Variants in RBM47 observed in about 807,000 individuals in gnomAD.
RBM47 encodes the protein RNA-binding protein 47.
In RBM47, 21 loss-of-function variants were observed where a neutral mutation model predicts 47.1. The ratio of observed to expected loss-of-function variants is 0.45; its 90% CI spans 0.32 to 0.64. The LOEUF (loss-of-function observed/expected upper bound fraction) is 0.64, where lower values mean the gene tolerates loss of function less well. Among genes scored for constraint, RBM47 ranks in the 30% least tolerant of loss-of-function variants. RBM47 has a pLI of 0.05. For synonymous variants in RBM47, 375 were observed against 361.7 expected (o/e 1.04, Z -0.42); for missense variants, 708 against 870.9 (o/e 0.81, Z 2.35).
chr4:40,597,492 G>A (rs1299275720), intron 1 of RBM47, among the ~76,000 whole-genome samples: 1 of 151,426 alleles, frequency 6.6e-6, no homozygotes, highest in African/African-American at 2.4e-5. Flanking sequence ...TGAGGCAGGA[G>A]AATGGCTTGA....
intron 2 of RBM47, among the ~76,000 whole-genome samples, chr4:40,492,534 T>G (rs147614902): frequency 4.6e-5 from 7 of 152,320 alleles, no homozygotes; most frequent in Non-Finnish European, 5.9e-5. Flanking sequence ...AGCTCAGGCA[T>G]GCACCTGTGG....
chr4:40,456,281 CGGGCA>C (rs1370485715), intron 3 of RBM47, among the ~76,000 whole-genome samples: 1 of 151,972 alleles, frequency 6.6e-6, no homozygotes, highest in African/African-American at 2.4e-5. Flanking sequence ...GAGAGAAACC[CGGGCA>C]TAATATTCTT....
intron 2 of RBM47, among the ~76,000 whole-genome samples, chr4:40,476,158 T>G (rs557425488): frequency 6.6e-6 from 1 of 152,136 alleles, no homozygotes; most frequent in Non-Finnish European, 1.5e-5. Flanking sequence ...AAAACAATAA[T>G]GCCCACCTTG....
intron 2 of RBM47, among the ~76,000 whole-genome samples, chr4:40,488,599 G>A (rs75948036): frequency 0.014 from 2,122 of 152,214 alleles, 54 homozygotes; most frequent in African/African-American, 0.049. Context: ...CTTTGCAACC[G>A]CAAGTGAGAA....
intron 3 of RBM47, among the ~76,000 whole-genome samples, chr4:40,453,985 A>G (rs962292828): frequency 1.3e-5 from 2 of 152,190 alleles, no homozygotes; most frequent in Admixed American, 6.5e-5. Context: ...ATGAGTGGAA[A>G]TTTTAAATGT....
chr4:40,436,492 G>A lies in RBM47; in HGVS notation c.1279C>T (p.Pro427Ser). 7 of 1,614,118 alleles carry A rather than the reference G, an allele frequency of 4.3e-6. No homozygotes were observed. Among genetic ancestry groups the A allele is most frequent in the Non-Finnish European group, 5.9e-6 (7 of 1,180,030 alleles). The stretch of plus-strand genomic sequence containing the variant: ...TTGACGGTAGGGATTTCCAAATTCG[G>A]CACCAGTTCATATCCTTTTTCTTGC... ...KQQEKGYELV[P>S]NLEIPTVNPV... is the part of the protein sequence containing the mutation. Residue 427 changes from proline (P) to serine (S), a missense_variant, in exon 5 of 7, where the codon CCG becomes TCG. By Grantham distance (74) the Pro-to-Ser change is moderately conservative. Transcript: ENST00000295971.
rs141201064 is a variant in RBM47 at position 40,505,186 on chromosome 4, T to G, written c.-154-38487A>C. Among the ~76,000 whole-genome samples, 5 of 151,930 alleles carry G rather than the reference T, an allele frequency of 3.3e-5. No individual in the cohort carries two copies. In the East Asian group the frequency reaches 9.7e-4, roughly 29 times the overall value. ...GACTGGGTGACAAAGCAAGATCTTG[T>G]GTCTAAAAAGAAAAAAAACAGGCTG... On this transcript the variant is annotated intron_variant, in intron 2 of 6. Transcript: ENST00000295971.
At chr4:40,512,413 CAAA>C (rs33930819) in intron 2 of RBM47, among the ~76,000 whole-genome samples, 10 of 56,120 alleles carry the variant, frequency 1.8e-4, no homozygotes, top group African/African-American at 3.9e-4. Context: ...AACTCCATCT[CAAA>C]AAAAAAAAAA....
intron 1 of RBM47, among the ~76,000 whole-genome samples, chr4:40,560,846 A>T (rs1730540922): frequency 6.6e-6 from 1 of 152,052 alleles, no homozygotes. Context: ...GGCGCCTGTA[A>T]TCCCAGCTAC....
chr4:40,469,930 C>T (rs561997781), intron 2 of RBM47, among the ~76,000 whole-genome samples: 12 of 152,182 alleles, frequency 7.9e-5, no homozygotes, highest in South Asian at 4.2e-4. Context: ...CCACCATGTG[C>T]GGCCAGAATA....
At chr4:40,426,317 G>A (rs538397726) in intron 6 of RBM47, 174 bp from the exon 7 acceptor site, 82 of 786,286 alleles carry the variant, frequency 1.0e-4, no homozygotes, top group Middle Eastern at 7.7e-4. Flanking sequence ...AAGAGCCACT[G>A]AAGAGGTAAG....
At chr4:40,616,874 CTTTTT>C (rs1300005872) in intron 1 of RBM47, among the ~76,000 whole-genome samples, 2 of 111,668 alleles carry the variant, frequency 1.8e-5, no homozygotes, top group Non-Finnish European at 3.4e-5. Flanking sequence ...ATTTTCTTTT[CTTTTT>C]TTTTTTTTTT....
intron 1 of RBM47, among the ~76,000 whole-genome samples, chr4:40,574,336 CTTTTA>C (rs1732089867): frequency 6.6e-6 from 1 of 152,170 alleles, no homozygotes; most frequent in Non-Finnish European, 1.5e-5. Context: ...GAAATAAAGA[CTTTTA>C]TTTGTTTGAT....
At chr4:40,436,344 G>A (rs1186034474) in intron 5 of RBM47, 97 bp downstream of exon 5, 2 of 1,184,612 alleles carry the variant, frequency 1.7e-6, no homozygotes, top group Non-Finnish European at 2.4e-6. Flanking sequence ...GAACCCCTGT[G>A]CAGATGTGAG....
chr4:40,487,615 A>C (rs1049063949), intron 2 of RBM47, among the ~76,000 whole-genome samples: 3 of 151,990 alleles, frequency 2.0e-5, no homozygotes, highest in Admixed American at 2.0e-4. Flanking sequence ...TTTATCAAAA[A>C]CCAGACAGTC....
rs556298976 is a variant in RBM47, at chr4:40,600,673, G to A, written c.-240+28723C>T. ...GCAAGCAGAAGTAGGCTTTATAGATGAAAGTTACAAGAAAGAAGATTTCAA... is the reference window on the plus strand; with the variant it reads ...GCAAGCAGAAGTAGGCTTTATAGATAAAAGTTACAAGAAAGAAGATTTCAA... On this transcript the variant is annotated intron_variant, in intron 1 of 6. Transcript: ENST00000295971. 1.2e-3 allele frequency among the ~76,000 whole-genome samples: 179 copies of A among 147,384 alleles called. 1 individual carries two copies. The highest frequency in any genetic ancestry group is 4.1e-3 in the African/African-American group (164 of 39,992).
intron 1 of RBM47, among the ~76,000 whole-genome samples, chr4:40,618,683 C>T (rs1736965400): frequency 6.6e-6 from 1 of 151,438 alleles, no homozygotes; most frequent in Admixed American, 6.6e-5. Flanking sequence ...GTGGCGCGCG[C>T]CTGTAATCCC....
intron 1 of RBM47, among the ~76,000 whole-genome samples, chr4:40,599,201 T>C (rs1207864913): frequency 7.3e-6 from 1 of 136,664 alleles, no homozygotes; most frequent in Non-Finnish European, 1.5e-5. Context: ...GAGGTTGCAG[T>C]GGGCCGAGAT....
At chr4:40,443,574 G>A (rs1407009289) in intron 3 of RBM47, among the ~76,000 whole-genome samples, 1 of 151,682 alleles carries the variant, frequency 6.6e-6, no homozygotes, top group Admixed American at 6.6e-5. Flanking sequence ...AAAATTAGCT[G>A]GGCGTGGTGG....
Sources: allele counts gnomAD v4.1 joint callset (sites outside exome capture counted in the v4.1 genomes callset), GRCh38; gene constraint gnomAD v4.1.1; transcripts MANE v1.5; gene names NCBI Gene and HGNC (gene_info 2026-07-23, HGNC 2026-07-21).